Variants in LRRFIP1 observed in about 807,000 individuals in gnomAD.
LRRFIP1 encodes LRR binding FLII interacting protein 1, also known as leucine-rich repeat flightless-interacting protein 1.
Under a neutral mutation model 104.4 loss-of-function variants are expected in LRRFIP1, and 62 were observed. The observed-to-expected ratio is 0.59, with a 90% confidence interval of 0.48 to 0.73. The LOEUF is 0.73. Among genes scored for constraint, LRRFIP1 ranks in the 30% least tolerant of loss-of-function variants. The probability of loss-of-function intolerance (pLI) is 0.00; values close to 1 mark genes in which losing one functional copy is unlikely to be tolerated. For missense variants in LRRFIP1, 796 were observed against 824.5 expected, an observed-to-expected ratio of 0.97 and a Z score of 0.42; for synonymous variants, 300 against 299.0, an observed-to-expected ratio of 1.00 and a Z score of -0.03.
chr2:237,739,910 T>C (rs1177307836), intron 11 of LRRFIP1, among the ~76,000 whole-genome samples: 1 of 152,082 alleles, frequency 6.6e-6, no homozygotes, highest in Non-Finnish European at 1.5e-5. Flanking sequence ...ACCCTATGAC[T>C]CTTTTTAAAG....
At chr2:237,740,713 A>G (rs1254527369) in intron 11 of LRRFIP1, among the ~76,000 whole-genome samples, 1 of 152,134 alleles carries the variant, frequency 6.6e-6, no homozygotes, top group Non-Finnish European at 1.5e-5. Flanking sequence ...GGTATCAGCA[A>G]ATGCAGGTAT....
chr2:237,721,037 T>G, intron 6 of LRRFIP1: 1 of 517,570 alleles, frequency 1.9e-6, no homozygotes, highest in Admixed American at 3.2e-5. Context: ...TGGTTGTTTC[T>G]TTCTCCCGAG....
intron 7 of LRRFIP1, among the ~76,000 whole-genome samples, chr2:237,725,342 C>G (rs2094700322): frequency 6.6e-6 from 1 of 152,208 alleles, no homozygotes; most frequent in African/African-American, 2.4e-5. Flanking sequence ...CTGTGTACCA[C>G]TTAAAGCTAC....
At chr2:237,664,541 G>C (rs1575265610) in intron 1 of LRRFIP1, among the ~76,000 whole-genome samples, 2 of 152,244 alleles carry the variant, frequency 1.3e-5, no homozygotes, top group African/African-American at 4.8e-5. Flanking sequence ...AAGGAGTGCT[G>C]CTCCAAGACT....
At position 237,755,964 on chromosome 2, in the gene LRRFIP1, A is replaced by T. The variant is rs1362734374; in HGVS notation, c.1039-131A>T. 1.2e-5 allele frequency: 6 copies of T among 492,864 alleles called. No homozygotes were observed. In the East Asian group the frequency reaches 2.0e-4, roughly 17 times the overall value. The allele number at this position is 492,864 out of a possible 1,614,324, so 30.5% of individuals were successfully genotyped here. A position where few individuals can be genotyped will look rare whatever the true frequency, so the allele number is the denominator to read the frequency against. On this transcript the variant is annotated intron_variant, in intron 15 of 23. Transcript: ENST00000308482. Reference sequence around the variant, plus strand: ...AATATATAAATAAAAAATAAAATAAAAGACCTTGAAGATTGTGATGATGTA... The same window carrying T: ...AATATATAAATAAAAAATAAAATAATAGACCTTGAAGATTGTGATGATGTA...
chr2:237,716,453 C>T (rs912508261), intron 3 of LRRFIP1, among the ~76,000 whole-genome samples: 48 of 152,164 alleles, frequency 3.2e-4, no homozygotes, highest in African/African-American at 1.1e-3. Flanking sequence ...AATTCTCCCT[C>T]CTAATTTCTG....
chr2:237,647,478 G>A (rs1464913571), intron 1 of LRRFIP1, among the ~76,000 whole-genome samples: 1 of 152,092 alleles, frequency 6.6e-6, no homozygotes, highest in African/African-American at 2.4e-5. Context: ...CTGGTGCAGG[G>A]CTAGGAGAGT....
At chr2:237,727,579 C>T (rs2094810180) in intron 7 of LRRFIP1, among the ~76,000 whole-genome samples, 1 of 152,180 alleles carries the variant, frequency 6.6e-6, no homozygotes, top group African/African-American at 2.4e-5. Flanking sequence ...CCACACCAAG[C>T]CCAAATGTTC....
intron 2 of LRRFIP1, among the ~76,000 whole-genome samples, chr2:237,710,758 GC>G (rs2094036098): frequency 1.3e-5 from 2 of 152,056 alleles, no homozygotes; most frequent in Non-Finnish European, 2.9e-5. Flanking sequence ...GATTTGAATG[GC>G]CCCCTTTAAA....
chr2:237,694,877 C>G (rs911602297), intron 1 of LRRFIP1, among the ~76,000 whole-genome samples: 3 of 152,214 alleles, frequency 2.0e-5, no homozygotes, highest in African/African-American at 7.2e-5. Flanking sequence ...TTTCCACATA[C>G]TGATTAGCAT....
At chr2:237,699,940 TC>T (rs2093422553) in intron 1 of LRRFIP1, among the ~76,000 whole-genome samples, 1 of 152,220 alleles carries the variant, frequency 6.6e-6, no homozygotes, top group African/African-American at 2.4e-5. Context: ...CTGGGGGACT[TC>T]GTGAGATTGC....
chr2:237,643,363 C>T (rs11894086), intron 1 of LRRFIP1, among the ~76,000 whole-genome samples: 57,796 of 152,112 alleles, frequency 0.38, 11,172 homozygotes, highest in East Asian at 0.48. Context: ...GACACACCCC[C>T]GGACGATTCT....
At chr2:237,678,008 G>A (rs908542115) in intron 1 of LRRFIP1, among the ~76,000 whole-genome samples, 4 of 152,012 alleles carry the variant, frequency 2.6e-5, no homozygotes, top group Non-Finnish European at 4.4e-5. Flanking sequence ...GCGTCACCTC[G>A]GGCGGACCAT....
chr2:237,733,880 C>T, intron 9 of LRRFIP1, 62 bp downstream of exon 9: 1 of 1,573,124 alleles, frequency 6.4e-7, no homozygotes, highest in Admixed American at 1.7e-5. Flanking sequence ...ACCGCCCCCA[C>T]CAAGCCCAGA....
Position 237,757,521 on chromosome 2 carries a change from A to C in LRRFIP1, c.1197A>C (p.Thr399=), listed in dbSNP as rs2059394269. The C allele has an allele frequency of 6.3e-7, 1 of 1,588,360 alleles. No homozygotes were observed. Among genetic ancestry groups the C allele is most frequent in the Admixed American group, 1.8e-5 (1 of 56,022 alleles). ...SIREISDLQE[T]IEWKDKKIGA... ...GGGAGATTTCTGATCTTCAGGAAAC[A>C]ATAGAGTGGAAAGACAAAAAGATAG... is the stretch of plus-strand genomic sequence containing the variant. Residue 399 remains threonine (T), a synonymous_variant, in exon 17 of 24, where the codon ACA becomes ACC. Coordinates refer to ENST00000308482, the MANE Select transcript of LRRFIP1 (RefSeq NM_001137550.2).
At chr2:237,670,644 C>T (rs754450099) in intron 1 of LRRFIP1, among the ~76,000 whole-genome samples, 4 of 152,226 alleles carry the variant, frequency 2.6e-5, no homozygotes, top group Non-Finnish European at 4.4e-5. Context: ...GCAGGGCCAG[C>T]ACTCGGTGGC....
At chr2:237,727,855 C>G in intron 7 of LRRFIP1, 21 bp from the exon 8 acceptor site, 1 of 1,589,918 alleles carries the variant, frequency 6.3e-7, no homozygotes, top group Non-Finnish European at 8.6e-7. Context: ...GTCAGTTTTT[C>G]TCTTTTCTTC....
intron 1 of LRRFIP1, among the ~76,000 whole-genome samples, chr2:237,672,034 C>A (rs2090433767): frequency 6.6e-6 from 1 of 151,630 alleles, no homozygotes; most frequent in Non-Finnish European, 1.5e-5. Context: ...TGACTTGATA[C>A]AGTATCATTC....
At chr2:237,776,995 ATTC>A (rs755179483) in intron 23 of LRRFIP1, among the ~76,000 whole-genome samples, 35 of 152,202 alleles carry the variant, frequency 2.3e-4, no homozygotes, top group Non-Finnish European at 4.3e-4. Flanking sequence ...TTCAATTTCT[ATTC>A]TTTTCAGTGA....
Sources: gnomAD v4.1 joint callset for allele counts (sites outside exome capture counted in the v4.1 genomes callset) on GRCh38, gnomAD v4.1.1 for gene constraint, MANE v1.5 for transcripts, NCBI Gene and HGNC (gene_info 2026-07-23, HGNC 2026-07-21) for gene names.